Variants in POU2F1 observed in about 807,000 individuals in gnomAD.
The protein encoded by POU2F1 is POU domain, class 2, transcription factor 1.
Under a neutral mutation model 84.9 loss-of-function variants are expected in POU2F1, and 16 were observed. The ratio of observed to expected loss-of-function variants is 0.19; its 90% CI spans 0.13 to 0.29. The LOEUF (loss-of-function observed/expected upper bound fraction) is 0.29, where lower values mean the gene tolerates loss of function less well. Among genes scored for constraint, POU2F1 ranks in the 10% least tolerant of loss-of-function variants. The probability of loss-of-function intolerance (pLI) is 1.00; values close to 1 mark genes in which losing one functional copy is unlikely to be tolerated. For missense variants in POU2F1, 738 were observed against 942.6 expected, an observed-to-expected ratio of 0.78 and a Z score of 2.84; for synonymous variants, 368 against 368.3, an observed-to-expected ratio of 1.00 and a Z score of 0.01.
intron 9 of POU2F1, among the ~76,000 whole-genome samples, chr1:167,391,557 A>ACCTTTTTTTTTTTTTTTTTT (rs1648403414): frequency 9.2e-6 from 1 of 108,408 alleles, no homozygotes; most frequent in African/African-American, 3.2e-5. Flanking sequence ...CTTTATATAT[A>ACCTTTTTTTTTTTTTTTTTT]TCTTTTTTTT....
intron 3 of POU2F1, among the ~76,000 whole-genome samples, chr1:167,368,086 G>A (rs571269549): frequency 2.6e-5 from 4 of 151,890 alleles, no homozygotes; most frequent in African/African-American, 9.7e-5. Flanking sequence ...TCCAATATTG[G>A]CCCATATTTA....
chr1:167,336,748 G>A (rs1043028606), intron 2 of POU2F1, among the ~76,000 whole-genome samples: 1 of 152,196 alleles, frequency 6.6e-6, no homozygotes, highest in Admixed American at 6.5e-5. Flanking sequence ...GAAAATACCG[G>A]CCTGGTGCAG....
chr1:167,229,086 A>G (rs750590202), intron 1 of POU2F1, among the ~76,000 whole-genome samples: 11 of 151,916 alleles, frequency 7.2e-5, no homozygotes, highest in Non-Finnish European at 1.3e-4. Flanking sequence ...TTGGGGCTCT[A>G]TTGTGGAGAG....
At chr1:167,221,893 G>A (rs977909906) in intron 1 of POU2F1, among the ~76,000 whole-genome samples, 1 of 151,782 alleles carries the variant, frequency 6.6e-6, no homozygotes, top group Admixed American at 6.6e-5. Flanking sequence ...CCTCTGGGGC[G>A]GCCCGCGCGC....
chr1:167,335,225 C>T (rs919679793), intron 2 of POU2F1, among the ~76,000 whole-genome samples: 3 of 151,974 alleles, frequency 2.0e-5, no homozygotes, highest in African/African-American at 7.3e-5. Context: ...ATGAAATAAC[C>T]CTCAGTCTTT....
Position 167,319,775 on chromosome 1 carries a change from G to A in POU2F1, c.62-12695G>A, listed in dbSNP as rs73022258. Reference sequence around the variant, plus strand: ...GTGCACATAAGCTAGTCTCCCAAACGAGGGAATATGGGTGGTGACATCCAT... The same window carrying A: ...GTGCACATAAGCTAGTCTCCCAAACAAGGGAATATGGGTGGTGACATCCAT... On this transcript the variant is annotated intron_variant, in intron 1 of 15. Coordinates refer to ENST00000367866, the MANE Select transcript of POU2F1 (RefSeq NM_002697.4). Among the ~76,000 whole-genome samples the A allele has an allele frequency of 3.2e-3, 484 of 152,080 alleles. 1 individual carries two copies. Among genetic ancestry groups the A allele is most frequent in the African/African-American group, 0.011 (455 of 41,488 alleles).
chr1:167,364,676 C>G (rs1406749409), intron 2 of POU2F1, among the ~76,000 whole-genome samples: 1 of 149,926 alleles, frequency 6.7e-6, no homozygotes, highest in African/African-American at 2.5e-5. Context: ...CTCCTGGGCT[C>G]AAGCCATTCT....
intron 11 of POU2F1, 39 bp from the exon 12 acceptor site, chr1:167,399,147 A>G: frequency 6.4e-7 from 1 of 1,553,536 alleles, no homozygotes; most frequent in Non-Finnish European, 8.7e-7. Context: ...AAGTTATTGC[A>G]AAGGATAGCT....
At chr1:167,334,921 ATGTT>A (rs1267805669) in intron 2 of POU2F1, among the ~76,000 whole-genome samples, 6 of 152,176 alleles carry the variant, frequency 3.9e-5, no homozygotes, top group Admixed American at 1.3e-4. Context: ...GATTCAGAAT[ATGTT>A]TGTGTAGATC....
At chr1:167,271,825 G>A (rs758219778) in intron 1 of POU2F1, among the ~76,000 whole-genome samples, 2 of 152,094 alleles carry the variant, frequency 1.3e-5, no homozygotes, top group African/African-American at 2.4e-5. Flanking sequence ...GGTCAAATTC[G>A]TGTTTTCTGT....
intron 2 of POU2F1, among the ~76,000 whole-genome samples, chr1:167,337,236 G>A (rs917172533): frequency 1.3e-5 from 2 of 151,530 alleles, no homozygotes; most frequent in African/African-American, 4.9e-5. Flanking sequence ...AGAGGTGGAA[G>A]AATCACCTGA....
At chr1:167,373,364 T>C (rs1380203535) in intron 5 of POU2F1, among the ~76,000 whole-genome samples, 2 of 152,228 alleles carry the variant, frequency 1.3e-5, no homozygotes, top group Non-Finnish European at 1.5e-5. Flanking sequence ...CCTACTTTAC[T>C]ATTTGGGTCT....
rs1050518443 is a variant in POU2F1 at position 167,420,935 on chromosome 1, A to G, written c.*5125A>G. 1 of 152,244 alleles carries G rather than the reference A, an allele frequency of 6.6e-6. No homozygotes were observed. Among genetic ancestry groups the G allele is most frequent in the East Asian group, 1.9e-4 (1 of 5,200 alleles). 9.4% of individuals were successfully genotyped at this position (152,244 alleles called of 1,614,324 possible). ...TTTGTTTATTAGAGTTGAAAACATT[A>G]AAAGATGACTGATACTAATGGGAGA... On this transcript the variant is annotated 3_prime_UTR_variant, in exon 16 of 16. Coordinates refer to ENST00000367866, the MANE Select transcript of POU2F1 (RefSeq NM_002697.4).
chr1:167,295,423 C>T (rs1459015838), intron 1 of POU2F1, among the ~76,000 whole-genome samples: 1 of 152,136 alleles, frequency 6.6e-6, no homozygotes, highest in Non-Finnish European at 1.5e-5. Flanking sequence ...TGAAGTAACT[C>T]AGGAATGGAA....
chr1:167,415,566 A>G lies in POU2F1; in HGVS notation c.2057A>G (p.Asn686Ser), dbSNP rs117780267. The G allele has an allele frequency of 7.2e-5, 117 of 1,614,146 alleles. No homozygotes were observed. Among genetic ancestry groups the G allele is most frequent in the Middle Eastern group, 3.3e-4 (2 of 6,062 alleles). Residue 686 changes from asparagine to serine, a missense_variant, in exon 16 of 16, where the codon AAT becomes AGT. By Grantham distance (46) the Asn-to-Ser change is conservative. Transcript: ENST00000367866. ...LDATGNLVFA[N>S]AGGAPNIVTA... ...GCAACTGGGAACCTGGTATTTGCCA[A>G]TGCGGGAGGAGCCCCCAACATCGTG...
chr1:167,259,971 T>C (rs1234236803), intron 1 of POU2F1, among the ~76,000 whole-genome samples: 1 of 152,040 alleles, frequency 6.6e-6, no homozygotes, highest in Non-Finnish European at 1.5e-5. Context: ...CTTCGCCTTC[T>C]GGGTTCACGC....
intron 1 of POU2F1, among the ~76,000 whole-genome samples, chr1:167,260,504 C>T (rs1651483610): frequency 6.6e-6 from 1 of 152,050 alleles, no homozygotes; most frequent in African/African-American, 2.4e-5. Context: ...ACCTTTTGAT[C>T]CTTAGTCTAC....
rs575709968 is a variant in POU2F1 at position 167,304,349 on chromosome 1, C to T, written c.62-28121C>T. Among the ~76,000 whole-genome samples the T allele has an allele frequency of 4.3e-4, 66 of 152,196 alleles. No homozygotes were observed. In the South Asian group the frequency reaches 6.8e-3, roughly 16 times the overall value. On this transcript the variant is annotated intron_variant, in intron 1 of 15. Coordinates refer to ENST00000367866, the MANE Select transcript of POU2F1 (RefSeq NM_002697.4). ...AAGAACTCTTGAGAGTATTACTGTCCATTTTACAGATGAAAAAACTGAGGC... is the reference window on the plus strand; with the variant it reads ...AAGAACTCTTGAGAGTATTACTGTCTATTTTACAGATGAAAAAACTGAGGC...
rs867974171 is a variant in POU2F1, at chr1:167,375,938, G to C, written c.592-91G>C. The C allele has an allele frequency of 3.5e-6, 5 of 1,427,608 alleles. No homozygotes were observed. The South Asian group carries it at 6.1e-5, about 17-fold the overall frequency. The allele number at this position is 1,427,608 out of a possible 1,614,324, so 88.4% of individuals were successfully genotyped here. A position where few individuals can be genotyped will look rare whatever the true frequency, so the allele number is the denominator to read the frequency against. On this transcript the variant is annotated intron_variant, in intron 6 of 15. Transcript: ENST00000367866. ...CGAAGTATTTACTCTTCTTTATTTG[G>C]ATGTGACAGAAGTCATCAGCTGGAA...
Sources: allele counts gnomAD v4.1 joint callset (sites outside exome capture counted in the v4.1 genomes callset), GRCh38; gene constraint gnomAD v4.1.1; transcripts MANE v1.5; gene names NCBI Gene and HGNC (gene_info 2026-07-23, HGNC 2026-07-21).